COBL: variants seen among roughly 807,000 people sequenced by gnomAD.
COBL encodes the protein protein cordon-bleu.
In COBL, 51 loss-of-function variants were observed where a neutral mutation model predicts 98.8. That is an observed-to-expected ratio of 0.52 (90% confidence interval 0.41 to 0.65). The LOEUF is 0.65. COBL is among the 30% of genes least tolerant of loss of function. The probability of loss-of-function intolerance (pLI) is 0.00; values close to 1 mark genes in which losing one functional copy is unlikely to be tolerated. For synonymous variants in COBL, 634 were observed against 651.7 expected (o/e 0.97, Z 0.41); for missense variants, 1,617 against 1,617.5 (o/e 1.00, Z 0.01).
chr7:51,106,714 C>T (rs1796305756), intron 6 of COBL, among the ~76,000 whole-genome samples: 1 of 152,112 alleles, frequency 6.6e-6, no homozygotes, highest in African/African-American at 2.4e-5. Flanking sequence ...CTTGATGTTC[C>T]ACTTGGTAAA....
chr7:51,209,678 C>G (rs73697830), intron 2 of COBL, among the ~76,000 whole-genome samples: 1 of 152,100 alleles, frequency 6.6e-6, no homozygotes, highest in Non-Finnish European at 1.5e-5. Flanking sequence ...GTGGCCACAC[C>G]ATGCACTGCC....
intron 6 of COBL, among the ~76,000 whole-genome samples, chr7:51,130,290 G>A (rs1413629921): frequency 1.3e-5 from 2 of 152,142 alleles, no homozygotes; most frequent in East Asian, 1.9e-4. Context: ...ACTGGCTGAG[G>A]AGTGGCCATG....
At chr7:51,294,153 T>C (rs1277430502) in intron 1 of COBL, among the ~76,000 whole-genome samples, 1 of 151,388 alleles carries the variant, frequency 6.6e-6, no homozygotes, top group Non-Finnish European at 1.5e-5. Context: ...TAGCCAGGCA[T>C]GGTGGCACAT....
At chr7:51,246,674 T>C (rs904592463) in intron 1 of COBL, among the ~76,000 whole-genome samples, 5 of 152,198 alleles carry the variant, frequency 3.3e-5, no homozygotes, top group African/African-American at 4.8e-5. Flanking sequence ...TGAAGCATTA[T>C]AATGTTTATG....
chr7:51,070,392 A>AACACACACACACAC (rs369051694), intron 7 of COBL, among the ~76,000 whole-genome samples: 5,498 of 138,878 alleles, frequency 0.04, 179 homozygotes, highest in African/African-American at 0.083. Context: ...AAACAGTTAA[A>AACACACACACACAC]ACACACACAC....
At chr7:51,206,668 A>T (rs1791755133) in intron 2 of COBL, among the ~76,000 whole-genome samples, 1 of 152,244 alleles carries the variant, frequency 6.6e-6, no homozygotes, top group East Asian at 1.9e-4. Flanking sequence ...GTGGTTACGT[A>T]TATACAATGA....
At chr7:51,084,857 T>A (rs1164979639) in intron 7 of COBL, among the ~76,000 whole-genome samples, 1 of 152,094 alleles carries the variant, frequency 6.6e-6, no homozygotes, top group Non-Finnish European at 1.5e-5. Flanking sequence ...CCTTTTGCCA[T>A]CAGAGACACA....
At chr7:51,073,461 T>A (rs1583689320) in intron 7 of COBL, 1 of 597,704 alleles carries the variant, frequency 1.7e-6, no homozygotes, top group South Asian at 1.9e-5. Flanking sequence ...ATCATTCATT[T>A]TCCAGCCCCT....
At chr7:51,052,797 C>T (rs1439350356) in intron 7 of COBL, among the ~76,000 whole-genome samples, 1 of 152,214 alleles carries the variant, frequency 6.6e-6, no homozygotes, top group Non-Finnish European at 1.5e-5. Context: ...CCTTCTGCTG[C>T]TTTCTTCCAA....
At chr7:51,081,099 G>A (rs1171839543) in intron 7 of COBL, among the ~76,000 whole-genome samples, 2 of 150,990 alleles carry the variant, frequency 1.3e-5, no homozygotes, top group African/African-American at 2.5e-5. Context: ...GGGCAGGAGC[G>A]GGGCAGGAGA....
Position 51,266,830 on chromosome 7 carries a change from C to G in COBL, c.42-46886G>C, listed in dbSNP as rs1310090268. Among the ~76,000 whole-genome samples, 5 of 152,158 alleles carry G rather than the reference C, an allele frequency of 3.3e-5. No homozygotes were observed. The South Asian group carries it at 8.3e-4, about 25-fold the overall frequency. The stretch of plus-strand genomic sequence containing the variant: ...AACCTAACATTTTTATTGAGATAAC[C>G]CAATTCAGGGTTGGGAGGAGTTGCC... On this transcript the variant is annotated intron_variant, in intron 1 of 12. Coordinates refer to ENST00000265136, the MANE Select transcript of COBL (RefSeq NM_015198.5).
At chr7:51,095,236 A>G (rs1216383452) in intron 6 of COBL, among the ~76,000 whole-genome samples, 2 of 152,210 alleles carry the variant, frequency 1.3e-5, no homozygotes, top group Non-Finnish European at 1.5e-5. Context: ...ACTCCCCTTT[A>G]TAAAACCATC....
At chr7:51,204,984 T>C (rs1791533475) in intron 2 of COBL, among the ~76,000 whole-genome samples, 2 of 152,198 alleles carry the variant, frequency 1.3e-5, no homozygotes, top group Admixed American at 1.3e-4. Flanking sequence ...CACTGAACAT[T>C]ATAATACATT....
chr7:51,174,193 A>G (rs149486805), intron 5 of COBL, among the ~76,000 whole-genome samples: 65 of 152,308 alleles, frequency 4.3e-4, no homozygotes, highest in African/African-American at 1.5e-3. Context: ...TTGGGTTTGA[A>G]TTCTGGTGTT....
intron 6 of COBL, among the ~76,000 whole-genome samples, chr7:51,129,932 C>A (rs1441643239): frequency 2.0e-5 from 3 of 152,130 alleles, no homozygotes; most frequent in African/African-American, 7.2e-5. Context: ...GGAGCATGAG[C>A]AGAAGCAGGG....
chr7:51,316,113 G>C (rs546813453), intron 1 of COBL, among the ~76,000 whole-genome samples: 2 of 152,188 alleles, frequency 1.3e-5, no homozygotes, highest in Non-Finnish European at 2.9e-5. Context: ...ACGCTGCCGG[G>C]AGAGCCGATC....
At chr7:51,258,034 C>T (rs1797359292) in intron 1 of COBL, among the ~76,000 whole-genome samples, 1 of 152,238 alleles carries the variant, frequency 6.6e-6, no homozygotes, top group African/African-American at 2.4e-5. Context: ...TACTTGTTTG[C>T]TAATTTTTAA....
rs151127724 is a variant in COBL at position 51,276,978 on chromosome 7, G to A, written c.41+39615C>T. On this transcript the variant is annotated intron_variant, in intron 1 of 12. Transcript: ENST00000265136. ...AAAAGGAGATGCATCTGGGAGCAGC[G>A]AACACACAGATGGTGAGGGCCAGAA... 1.2e-3 allele frequency among the ~76,000 whole-genome samples: 188 copies of A among 152,224 alleles called. 1 individual carries two copies. Among genetic ancestry groups the A allele is most frequent in the Non-Finnish European group, 1.3e-3 (91 of 68,004 alleles).
At chr7:51,231,375 C>T (rs1200744292) in intron 1 of COBL, among the ~76,000 whole-genome samples, 1 of 152,188 alleles carries the variant, frequency 6.6e-6, no homozygotes. Flanking sequence ...GTAAGGACAT[C>T]ACAGTGGCCT....
Sources: gnomAD v4.1 joint callset for allele counts (sites outside exome capture counted in the v4.1 genomes callset) on GRCh38, gnomAD v4.1.1 for gene constraint, MANE v1.5 for transcripts, NCBI Gene and HGNC (gene_info 2026-07-23, HGNC 2026-07-21) for gene names.